The following CELF4 variants were observed in gnomAD, a reference collection of about 807,000 sequenced individuals.
CELF4 encodes the protein CUGBP Elav-like family member 4, also known as CUG-BP- and ETR-3-like factor 4.
CELF4 carries 18 observed loss-of-function variants against 59.9 expected under a neutral mutation model. That is an observed-to-expected ratio of 0.30 (90% confidence interval 0.21 to 0.45). The LOEUF is 0.45. Among genes scored for constraint, CELF4 ranks in the 20% least tolerant of loss-of-function variants. The probability of loss-of-function intolerance (pLI) is 1.00; values close to 1 mark genes in which losing one functional copy is unlikely to be tolerated. For synonymous variants in CELF4, 261 were observed against 267.1 expected (o/e 0.98, Z 0.22); for missense variants, 456 against 689.0 (o/e 0.66, Z 3.79).
intron 2 of CELF4, among the ~76,000 whole-genome samples, chr18:37,354,762 G>A (rs1351047142): frequency 2.0e-5 from 3 of 152,206 alleles, no homozygotes; most frequent in Non-Finnish European, 4.4e-5. Flanking sequence ...TTCCCACCAT[G>A]CCTTCTCTCC....
chr18:37,484,244 C>G (rs945562807), intron 2 of CELF4, among the ~76,000 whole-genome samples: 4 of 152,198 alleles, frequency 2.6e-5, no homozygotes, highest in African/African-American at 9.6e-5. Context: ...TTCTCAGAAG[C>G]CTTTGATTAT....
intron 3 of CELF4, among the ~76,000 whole-genome samples, chr18:37,303,802 C>T (rs781548335): frequency 2.6e-5 from 4 of 152,098 alleles, no homozygotes; most frequent in African/African-American, 9.7e-5. Flanking sequence ...TCCTGTCTGA[C>T]GGGACATTCT....
intron 2 of CELF4, among the ~76,000 whole-genome samples, chr18:37,386,118 T>C (rs141704265): frequency 2.6e-5 from 4 of 152,356 alleles, no homozygotes; most frequent in African/African-American, 9.6e-5. Flanking sequence ...TTTTTCTCAC[T>C]CTTCTGCCAC....
At chr18:37,378,784 A>T (rs1344426607) in intron 2 of CELF4, among the ~76,000 whole-genome samples, 1 of 152,028 alleles carries the variant, frequency 6.6e-6, no homozygotes, top group Non-Finnish European at 1.5e-5. Flanking sequence ...CAGAGGAAGG[A>T]GTAGCTGTGG....
At position 37,253,890 on chromosome 18, in the gene CELF4, G is replaced by C. The variant is rs367811722; in HGVS notation, c.1382C>G (p.Ala461Gly). 2.5e-6 allele frequency: 4 copies of C among 1,609,126 alleles called. No individual in the cohort carries two copies. The highest frequency in any genetic ancestry group is 3.4e-6 in the Non-Finnish European group (4 of 1,178,072). The change falls in exon 12 of 13, where the codon GCC (alanine) becomes GGC (glycine). Residue 461 changes from alanine to glycine, a missense_variant. Ala to Gly is a moderately conservative substitution (Grantham distance 60). Transcript: ENST00000420428. This position sits in a 1 kb window ranked among gnomAD's most constrained non-coding sequence, Gnocchi z 4.5. The stretch of plus-strand genomic sequence containing the variant: ...CATGCCGATCTGGAAGCCGTTCATG[G>C]CCTGGATGGCGGTCTGCGCGCTGGC... ...NPASAQTAIQAMNGFQIGMKR... is the reference protein window; with the variant it reads ...NPASAQTAIQGMNGFQIGMKR...
chr18:37,268,281 G>T (rs866207893), intron 8 of CELF4, among the ~76,000 whole-genome samples: 2 of 152,152 alleles, frequency 1.3e-5, no homozygotes, highest in Admixed American at 6.5e-5. Context: ...CCATGGTAGA[G>T]ACTGGCGCTG....
chr18:37,511,331 G>A (rs2099944074), intron 1 of CELF4, among the ~76,000 whole-genome samples: 1 of 152,106 alleles, frequency 6.6e-6, no homozygotes, highest in African/African-American at 2.4e-5. Flanking sequence ...AGCAAGCCAA[G>A]CTTCCTGGGG....
At chr18:37,557,975 G>A (rs753382286) in intron 1 of CELF4, among the ~76,000 whole-genome samples, 1 of 150,706 alleles carries the variant, frequency 6.6e-6, no homozygotes, top group Non-Finnish European at 1.5e-5. Context: ...GTAAATGGAT[G>A]GTCCTGAAAA....
chr18:37,472,159 A>G (rs2099835040), intron 2 of CELF4, among the ~76,000 whole-genome samples: 1 of 152,224 alleles, frequency 6.6e-6, no homozygotes, highest in Non-Finnish European at 1.5e-5. Context: ...CAAACTTAAC[A>G]AACACCTCTT....
chr18:37,504,100 T>G (rs1351525972), intron 1 of CELF4, among the ~76,000 whole-genome samples: 36 of 152,210 alleles, frequency 2.4e-4, no homozygotes, highest in Admixed American at 2.4e-3. Flanking sequence ...GCCACTTTTC[T>G]TCTTTGGATG....
rs2154241639 is a variant in CELF4 at position 37,244,370 on chromosome 18, T to G, written c.*872A>C. The G allele has an allele frequency of 6.6e-6, 1 of 152,604 alleles. No individual in the cohort carries two copies. The highest frequency in any genetic ancestry group is 2.1e-4 in the South Asian group (1 of 4,828). The allele number at this position is 152,604 out of a possible 1,614,324, so 9.5% of individuals were successfully genotyped here. On this transcript the variant is annotated 3_prime_UTR_variant, in exon 13 of 13. Coordinates refer to ENST00000420428, the MANE Select transcript of CELF4 (RefSeq NM_020180.4). ...TTTCTCACACTTCACGGGTGAGTTT[T>G]AAGATTTGTGTTGCTTTCCCCAAAT... is the stretch of plus-strand genomic sequence containing the variant.
intron 12 of CELF4, among the ~76,000 whole-genome samples, chr18:37,253,000 C>T (rs1600222580): frequency 1.3e-5 from 2 of 152,122 alleles, no homozygotes; most frequent in South Asian, 2.1e-4. Context: ...CTTTTGATGT[C>T]CTGGGGAATC....
intron 1 of CELF4, among the ~76,000 whole-genome samples, chr18:37,559,038 T>G (rs1467212842): frequency 2.0e-5 from 3 of 151,864 alleles, no homozygotes; most frequent in Non-Finnish European, 4.4e-5. Flanking sequence ...GGAACCCTCC[T>G]CCAAACCAGG....
chr18:37,551,057 G>A (rs944200527), intron 1 of CELF4, among the ~76,000 whole-genome samples: 1 of 152,152 alleles, frequency 6.6e-6, no homozygotes, highest in Non-Finnish European at 1.5e-5. Flanking sequence ...TGGGGGTTGG[G>A]GTTTGGGACT....
chr18:37,457,824 G>T (rs754262258), intron 2 of CELF4, among the ~76,000 whole-genome samples: 10 of 152,036 alleles, frequency 6.6e-5, no homozygotes, highest in Non-Finnish European at 1.5e-4. Flanking sequence ...TTGTTTCCCT[G>T]TCCTCTATCC....
chr18:37,263,280 G>A (rs2075814402), intron 10 of CELF4, among the ~76,000 whole-genome samples: 1 of 152,200 alleles, frequency 6.6e-6, no homozygotes, highest in Non-Finnish European at 1.5e-5. Flanking sequence ...CAGCCAGGCA[G>A]GCTGTGGCAC....
chr18:37,512,148 G>A (rs765605610), intron 1 of CELF4, among the ~76,000 whole-genome samples: 5 of 152,194 alleles, frequency 3.3e-5, no homozygotes, highest in Non-Finnish European at 5.9e-5. Flanking sequence ...GGCAGGGGGC[G>A]AGAGTGTTTC....
intron 2 of CELF4, among the ~76,000 whole-genome samples, chr18:37,343,382 C>G (rs995463418): frequency 1.5e-5 from 2 of 130,160 alleles, no homozygotes; most frequent in Admixed American, 8.0e-5. Flanking sequence ...TGTGTAGACA[C>G]GGGGTGGGGA....
At chr18:37,481,544 A>G (rs1211963093) in intron 2 of CELF4, among the ~76,000 whole-genome samples, 4 of 152,202 alleles carry the variant, frequency 2.6e-5, no homozygotes, top group Non-Finnish European at 5.9e-5. Context: ...CTTCAGGGGT[A>G]GATTTTAAGG....
Sources: allele counts gnomAD v4.1 joint callset (sites outside exome capture counted in the v4.1 genomes callset), GRCh38; gene constraint gnomAD v4.1.1; non-coding constraint Gnocchi (gnomAD v3.1); transcripts MANE v1.5; gene names NCBI Gene and HGNC (gene_info 2026-07-23, HGNC 2026-07-21).